SNRPN: variants seen among roughly 807,000 people sequenced by gnomAD.
SNRPN encodes the protein small nuclear ribonucleoprotein-associated protein N.
A neutral mutation model predicts 25.2 loss-of-function variants in SNRPN; 7 were observed. That is an observed-to-expected ratio of 0.28 (90% CI 0.16 to 0.52). The LOEUF is 0.52. Among genes scored for constraint, SNRPN ranks in the 20% least tolerant of loss-of-function variants. SNRPN has a pLI of 0.96. For missense variants in SNRPN, 196 were observed against 322.5 expected (o/e 0.61, Z 3.00); for synonymous variants, 124 against 110.6 (o/e 1.12, Z -0.76).
intron 2 of SNRPN, among the ~76,000 whole-genome samples, chr15:24,837,635 C>T (rs28540828): frequency 0.014 from 2,100 of 152,068 alleles, 61 homozygotes; most frequent in African/African-American, 0.049. Flanking sequence ...ACCCAAAGTG[C>T]TGGGATTACA....
intron 7 of SNRPN, among the ~76,000 whole-genome samples, 191 bp downstream of exon 7, chr15:24,977,220 T>C (rs2077159469): frequency 6.6e-6 from 1 of 152,192 alleles, no homozygotes; most frequent in African/African-American, 2.4e-5. Context: ...GTGATTAAAG[T>C]TACCCAGGTT....
At position 24,977,744 on chromosome 15, in the gene SNRPN, A is replaced by G. The variant is rs775135585; in HGVS notation, c.421-34A>G. On this transcript the variant is annotated intron_variant, in intron 7 of 9. Coordinates refer to ENST00000390687, the MANE Select transcript of SNRPN (RefSeq NM_003097.6). ...GTGTTTGAATAATGTGAAGGTTTGC[A>G]TCGCTTTGACTGTTTCCCGCCCTGC... 4.6e-5 allele frequency: 72 copies of G among 1,551,414 alleles called. No individual in the cohort carries two copies. The Admixed American group carries it at 6.3e-4, about 14-fold the overall frequency.
chr15:24,918,251 C>G (rs987116694), intron 2 of SNRPN, among the ~76,000 whole-genome samples: 2 of 150,044 alleles, frequency 1.3e-5, no homozygotes, highest in Non-Finnish European at 3.0e-5. Context: ...AAATTTGCCA[C>G]AGTACCACAC....
At chr15:24,889,137 C>T (rs1415861981) in intron 2 of SNRPN, among the ~76,000 whole-genome samples, 4 of 151,672 alleles carry the variant, frequency 2.6e-5, no homozygotes, top group Admixed American at 6.6e-5. Flanking sequence ...AGGCTGGTCT[C>T]GAACTCCTGA....
At chr15:24,958,520 TA>T (rs1555405064) in intron 1 of SNRPN, among the ~76,000 whole-genome samples, 1 of 120,716 alleles carries the variant, frequency 8.3e-6, no homozygotes, top group Non-Finnish European at 1.6e-5. Flanking sequence ...TTTTTTTTTT[TA>T]AATAGACCAG....
At chr15:24,931,941 T>C (rs918989305) in intron 3 of SNRPN, among the ~76,000 whole-genome samples, 7 of 149,668 alleles carry the variant, frequency 4.7e-5, no homozygotes, top group African/African-American at 1.7e-4. Flanking sequence ...GTATGCTCAG[T>C]TGAGTCAGAG....
At chr15:24,963,048 C>T (rs1358406596) in intron 2 of SNRPN, among the ~76,000 whole-genome samples, 1 of 152,024 alleles carries the variant, frequency 6.6e-6, no homozygotes, top group Non-Finnish European at 1.5e-5. Flanking sequence ...AAGTAAATAG[C>T]CATCAGACCT....
chr15:24,882,975 T>C (rs1337136404), intron 1 of SNRPN, among the ~76,000 whole-genome samples: 1 of 152,052 alleles, frequency 6.6e-6, no homozygotes, highest in African/African-American at 2.4e-5. Context: ...AAACACAAAG[T>C]CTATTTTATA....
Position 24,974,422 on chromosome 15 carries a change from C to A in SNRPN, c.-32C>A. On this transcript the variant is annotated 5_prime_UTR_variant, in exon 4 of 10. In the 5' UTR this introduces an upstream ATG that the reference lacks. Coordinates refer to ENST00000390687, the MANE Select transcript of SNRPN (RefSeq NM_003097.6). ...GGTCTTCAGAAGCATCAAGTTTTAA[C>A]TGTGGACATTGGATTTGGTGGAACA... 3.1e-6 allele frequency: 5 copies of A among 1,611,530 alleles called. No homozygotes were observed. The highest frequency in any genetic ancestry group is 4.2e-6 in the Non-Finnish European group (5 of 1,177,736).
chr15:24,912,048 A>G (rs535537202), intron 2 of SNRPN, among the ~76,000 whole-genome samples: 189 of 152,342 alleles, frequency 1.2e-3, no homozygotes, highest in African/African-American at 4.4e-3. Context: ...AGGTAGAATC[A>G]AAAAAGCTGA....
At chr15:24,941,206 A>C (rs2061533681) in intron 3 of SNRPN, among the ~76,000 whole-genome samples, 1 of 152,150 alleles carries the variant, frequency 6.6e-6, no homozygotes, top group Non-Finnish European at 1.5e-5. Context: ...TGAACTCCTG[A>C]GCTCAGGTGA....
At chr15:24,961,402 CCTG>C (rs1315150768) in intron 1 of SNRPN, among the ~76,000 whole-genome samples, 1 of 152,094 alleles carries the variant, frequency 6.6e-6, no homozygotes, top group Non-Finnish European at 1.5e-5. Flanking sequence ...AGTGAAAGGT[CCTG>C]CTGACCTTTC....
intron 1 of SNRPN, among the ~76,000 whole-genome samples, chr15:24,873,727 G>A (rs918456366): frequency 5.3e-5 from 8 of 151,970 alleles, no homozygotes; most frequent in South Asian, 2.1e-4. Context: ...GATTACAGAC[G>A]TGAGCCACCG....
chr15:24,968,132 G>T (rs368623157), intron 3 of SNRPN, 50 bp downstream of exon 3: 6 of 1,049,124 alleles, frequency 5.7e-6, no homozygotes, highest in Non-Finnish European at 7.3e-6. Flanking sequence ...TTAAAGAATG[G>T]GGTGTTGGGG....
chr15:24,977,964 A>AT (rs2077256247), intron 8 of SNRPN, 48 bp downstream of exon 8: 1 of 1,493,294 alleles, frequency 6.7e-7, no homozygotes, highest in Non-Finnish European at 9.0e-7. Context: ...CTGATGAGAG[A>AT]TAGCTTACTG....
intron 2 of SNRPN, chr15:24,912,549 C>T (rs1412197556): frequency 6.6e-6 from 1 of 152,122 alleles, no homozygotes; most frequent in East Asian, 1.9e-4. Context: ...GACATGAATT[C>T]TCATGTCATG....
rs559511170 is a variant in SNRPN, at chr15:24,909,881, C to T, written c.-504-10130C>T. The T allele has an allele frequency of 4.4e-4, 318 of 718,474 alleles. 1 individual carries two copies. The highest frequency in any genetic ancestry group is 6.6e-4 in the Non-Finnish European group (273 of 413,064). 44.5% of individuals were successfully genotyped at this position (718,474 alleles called of 1,614,324 possible). On this transcript the variant is annotated intron_variant, in intron 2 of 11. Coordinates refer to the SNRPN transcript ENST00000400097. ...CAACAGAGACCAGCAGGCACAGCGG[C>T]GCTGGGGCAGGGAGAAGGGGAAAGC...
In SNRPN at chr15:24,976,513, T is replaced by C. The variant is rs577601835; in HGVS notation, c.267+97T>C. On this transcript the variant is annotated intron_variant, in intron 6 of 9. Coordinates refer to ENST00000390687, the MANE Select transcript of SNRPN (RefSeq NM_003097.6). ...AGGGTAGAGCAGACACAGTTCAACATGGATTGTCAAATAAAATGTGCCAGG... is the reference window on the plus strand; with the variant it reads ...AGGGTAGAGCAGACACAGTTCAACACGGATTGTCAAATAAAATGTGCCAGG... The C allele has an allele frequency of 8.2e-6, 7 of 856,116 alleles. No individual in the cohort carries two copies. In the East Asian group the frequency reaches 1.7e-4, roughly 21 times the overall value. The allele number at this position is 856,116 out of a possible 1,614,324, so 53.0% of individuals were successfully genotyped here. A position where few individuals can be genotyped will look rare whatever the true frequency, so the allele number is the denominator to read the frequency against.
intron 2 of SNRPN, chr15:24,909,724 C>T: frequency 8.0e-7 from 1 of 1,249,992 alleles, no homozygotes; most frequent in Admixed American, 1.7e-5. Context: ...CCAAGCGTTT[C>T]CGAGTATCGT....
Sources: gnomAD v4.1 joint callset for allele counts (sites outside exome capture counted in the v4.1 genomes callset) on GRCh38, gnomAD v4.1.1 for gene constraint, MANE v1.5 for transcripts, NCBI Gene and HGNC (gene_info 2026-07-23, HGNC 2026-07-21) for gene names.